The following RNF13 variants were observed in gnomAD, a reference collection of about 807,000 sequenced individuals.
RNF13 encodes the protein E3 ubiquitin-protein ligase RNF13.
Under a neutral mutation model 37.7 loss-of-function variants are expected in RNF13, and 19 were observed. That is an observed-to-expected ratio of 0.50 (90% CI 0.35 to 0.74). The LOEUF is 0.74. RNF13 is among the 30% of genes least tolerant of loss of function. The pLI, the probability that RNF13 is intolerant of heterozygous loss-of-function variation, is 0.01. For missense variants in RNF13, 375 were observed against 453.0 expected, an observed-to-expected ratio of 0.83 and a Z score of 1.56; for synonymous variants, 144 against 157.8, an observed-to-expected ratio of 0.91 and a Z score of 0.65.
At chr3:149,835,057 T>G (rs1486995783) in intron 1 of RNF13, among the ~76,000 whole-genome samples, 1 of 152,174 alleles carries the variant, frequency 6.6e-6, no homozygotes, top group Admixed American at 6.5e-5. Flanking sequence ...AGAGCTACTA[T>G]GTAAAACTCT....
At chr3:149,951,691 C>T (rs916906922) in intron 8 of RNF13, among the ~76,000 whole-genome samples, 1 of 152,160 alleles carries the variant, frequency 6.6e-6, no homozygotes, top group Non-Finnish European at 1.5e-5. Flanking sequence ...GATAATTTCA[C>T]ATTTTAGGTC....
chr3:149,906,730 C>A (rs544413622), intron 6 of RNF13, among the ~76,000 whole-genome samples: 118 of 145,960 alleles, frequency 8.1e-4, no homozygotes, highest in African/African-American at 2.9e-3. Flanking sequence ...CAGCTCACTG[C>A]AGCCTTGATC....
intron 8 of RNF13, among the ~76,000 whole-genome samples, chr3:149,959,304 G>A (rs559306806): frequency 7.7e-4 from 117 of 152,048 alleles, no homozygotes; most frequent in African/African-American, 2.7e-3. Context: ...GCGAGACTCC[G>A]TCTCCAAAAA....
chr3:149,961,176 C>T lies in RNF13; in HGVS notation c.*72C>T, dbSNP rs1366005810. 14 of 1,329,700 alleles carry T rather than the reference C, an allele frequency of 1.1e-5. No individual in the cohort carries two copies. Among genetic ancestry groups the T allele is most frequent in the Non-Finnish European group, 1.4e-5 (14 of 966,298 alleles). The allele number at this position is 1,329,700 out of a possible 1,614,324, so 82.4% of individuals were successfully genotyped here. On this transcript the variant is annotated 3_prime_UTR_variant, in exon 10 of 10. Transcript: ENST00000392894. ...ATACTGTAATTTGATTTTTTGCTCCCTTCAAAGATTTCTGTAGAAATAACT... is the reference window on the plus strand; with the variant it reads ...ATACTGTAATTTGATTTTTTGCTCCTTTCAAAGATTTCTGTAGAAATAACT...
intron 3 of RNF13, among the ~76,000 whole-genome samples, chr3:149,865,241 C>T (rs1049958181): frequency 2.0e-5 from 3 of 150,534 alleles, no homozygotes; most frequent in Non-Finnish European, 4.4e-5. Context: ...AGAAGTGGTA[C>T]TTATCAATGG....
chr3:149,827,333 C>T (rs1465812339), intron 1 of RNF13, among the ~76,000 whole-genome samples: 2 of 152,126 alleles, frequency 1.3e-5, no homozygotes, highest in Non-Finnish European at 2.9e-5. Context: ...ACTTGACCAT[C>T]CATAGATTTT....
intron 1 of RNF13, among the ~76,000 whole-genome samples, chr3:149,822,143 A>G (rs968172764): frequency 1.3e-5 from 2 of 152,136 alleles, no homozygotes; most frequent in African/African-American, 4.8e-5. Context: ...TTGCAATTCC[A>G]TATGAATTTG....
chr3:149,944,646 G>T (rs1216692290), intron 8 of RNF13, among the ~76,000 whole-genome samples: 2 of 152,170 alleles, frequency 1.3e-5, no homozygotes, highest in Non-Finnish European at 2.9e-5. Context: ...CCCACTTTTT[G>T]ATGGGGTTGT....
chr3:149,848,426 A>G (rs1722839814), intron 2 of RNF13, among the ~76,000 whole-genome samples: 1 of 152,212 alleles, frequency 6.6e-6, no homozygotes, highest in Non-Finnish European at 1.5e-5. Context: ...ATAACTGGTA[A>G]AACAGGGAAC....
At chr3:149,857,120 A>G (rs1559910402) in intron 3 of RNF13, among the ~76,000 whole-genome samples, 3 of 152,182 alleles carry the variant, frequency 2.0e-5, no homozygotes, top group Non-Finnish European at 4.4e-5. Flanking sequence ...TTTATGTTCT[A>G]TATTTTGTAG....
At chr3:149,890,634 C>G (rs1006913196) in intron 4 of RNF13, among the ~76,000 whole-genome samples, 2 of 152,192 alleles carry the variant, frequency 1.3e-5, no homozygotes, top group African/African-American at 4.8e-5. Flanking sequence ...TCGTCTAGTT[C>G]CCAGAGTCTG....
chr3:149,918,146 A>G (rs915582454), intron 7 of RNF13, among the ~76,000 whole-genome samples: 1 of 152,240 alleles, frequency 6.6e-6, no homozygotes, highest in African/African-American at 2.4e-5. Context: ...AATCTAAAAT[A>G]TATAACAACA....
intron 8 of RNF13, among the ~76,000 whole-genome samples, chr3:149,933,776 G>T (rs1446921765): frequency 1.5e-4 from 22 of 151,700 alleles, no homozygotes; most frequent in African/African-American, 5.3e-4. Context: ...TAGAGACGGG[G>T]TTTCACCATG....
intron 1 of RNF13, among the ~76,000 whole-genome samples, chr3:149,826,459 T>G (rs1367650631): frequency 1.3e-5 from 2 of 152,216 alleles, no homozygotes; most frequent in African/African-American, 4.8e-5. Context: ...TCATTTCATC[T>G]CCTCCAAATT....
At chr3:149,955,224 G>A (rs1352758601) in intron 8 of RNF13, among the ~76,000 whole-genome samples, 2 of 151,934 alleles carry the variant, frequency 1.3e-5, no homozygotes, top group Non-Finnish European at 2.9e-5. Flanking sequence ...TAGCATTTTA[G>A]TAGATTTCAT....
At chr3:149,921,433 T>C (rs1718114935) in intron 8 of RNF13, among the ~76,000 whole-genome samples, 1 of 152,196 alleles carries the variant, frequency 6.6e-6, no homozygotes, top group African/African-American at 2.4e-5. Context: ...GTATTTCTCC[T>C]AATGCTATCC....
chr3:149,894,512 G>C (rs913083976), intron 4 of RNF13, among the ~76,000 whole-genome samples: 1 of 151,972 alleles, frequency 6.6e-6, no homozygotes, highest in Non-Finnish European at 1.5e-5. Context: ...ACTAATATTA[G>C]ACTTGGAAAT....
chr3:149,865,226 T>A (rs1276739056), intron 3 of RNF13, among the ~76,000 whole-genome samples: 2 of 151,318 alleles, frequency 1.3e-5, no homozygotes, highest in African/African-American at 2.4e-5. Flanking sequence ...TTTCTGGCTG[T>A]CTGCAGAAGT....
chr3:149,911,279 G>C (rs1232834286), intron 6 of RNF13, among the ~76,000 whole-genome samples: 1 of 152,168 alleles, frequency 6.6e-6, no homozygotes, highest in Non-Finnish European at 1.5e-5. Flanking sequence ...ATTTGATTGA[G>C]GTGGAGGTTC....
Sources: allele counts gnomAD v4.1 joint callset (sites outside exome capture counted in the v4.1 genomes callset), GRCh38; gene constraint gnomAD v4.1.1; transcripts MANE v1.5; gene names NCBI Gene and HGNC (gene_info 2026-07-23, HGNC 2026-07-21).